The following INSR variants were observed in gnomAD, a reference collection of about 807,000 sequenced individuals.
INSR encodes the protein insulin receptor, also known as IR.
INSR carries 67 observed loss-of-function variants against 142.6 expected under a neutral mutation model. The observed-to-expected ratio is 0.47, with a 90% CI of 0.39 to 0.58. The LOEUF (loss-of-function observed/expected upper bound fraction) is 0.58. Among genes scored for constraint, INSR ranks in the 20% least tolerant of loss-of-function variants. The probability of loss-of-function intolerance (pLI) is 0.00; values close to 1 mark genes in which losing one functional copy is unlikely to be tolerated. For synonymous variants in INSR, 756 were observed against 743.1 expected (o/e 1.02, Z -0.28); for missense variants, 1,248 against 1,833.2 (o/e 0.68, Z 5.83).
rs776177285 is a variant in INSR, at chr19:7,172,284, A to G, written c.1268+6T>C. The G allele has an allele frequency of 3.7e-6, 6 of 1,614,060 alleles. No homozygotes were observed. In the East Asian group the frequency reaches 1.1e-4, roughly 30 times the overall value. On this transcript the variant is annotated splice_donor_region_variant and intron_variant, in intron 5 of 21. Transcript: ENST00000302850. ...TCAGGCCATACACACAATCAGGCCC[A>G]CGTACCCAATTTCCAAGGTCTCTCC...
Position 7,171,487 on chromosome 19 carries a change from G to A in INSR, c.1269-736C>T, listed in dbSNP as rs552926640. On this transcript the variant is annotated intron_variant, in intron 5 of 21. Transcript: ENST00000302850. The stretch of plus-strand genomic sequence containing the variant: ...TCTTCCACAGACCTCCTGCCTATGA[G>A]TCAATCTTGATCTAGCTAGTTTGAG... Among the ~76,000 whole-genome samples, 10 of 152,268 alleles carry A rather than the reference G, an allele frequency of 6.6e-5. No homozygotes were observed. In the South Asian group the frequency reaches 1.5e-3, roughly 22 times the overall value.
chr19:7,196,750 A>T (rs528524070), intron 2 of INSR, among the ~76,000 whole-genome samples: 7 of 139,106 alleles, frequency 5.0e-5, no homozygotes, highest in East Asian at 4.3e-4. Flanking sequence ...AAAAAAACTT[A>T]AAAAAAAAAA....
chr19:7,237,198 C>T (rs929705498), intron 2 of INSR, among the ~76,000 whole-genome samples: 2 of 151,856 alleles, frequency 1.3e-5, no homozygotes, highest in African/African-American at 2.4e-5. Flanking sequence ...CCAAATACCA[C>T]CTGTTCCCCC....
intron 2 of INSR, among the ~76,000 whole-genome samples, chr19:7,191,404 C>A (rs1052976742): frequency 2.0e-5 from 3 of 150,872 alleles, no homozygotes; most frequent in Admixed American, 6.6e-5. Flanking sequence ...CTCGGGGTGG[C>A]CACTGCACCC....
rs1167294281 is a variant in INSR at position 7,222,781 on chromosome 19, A to C, written c.653-38144T>G. Among the ~76,000 whole-genome samples, 5 of 152,104 alleles carry C rather than the reference A, an allele frequency of 3.3e-5. No individual in the cohort carries two copies. In the South Asian group the frequency reaches 6.2e-4, roughly 19 times the overall value. On this transcript the variant is annotated intron_variant, in intron 2 of 21. Transcript: ENST00000302850. ...CCTTGGGGAGGGCCAGGCTGTAGGT[A>C]ACTACGCTTCCTTAGAGGAAGCTAT...
chr19:7,250,600 G>GAGGAGGGAGGGAGGGAAGGAAGGAA (rs1568218260), intron 2 of INSR, among the ~76,000 whole-genome samples: 12 of 130,958 alleles, frequency 9.2e-5, no homozygotes, highest in African/African-American at 3.5e-4. Flanking sequence ...GAAGGAAGGA[G>GAGGAGGGAGGGAGGGAAGGAAGGAA]AGGAGGGAGG....
intron 2 of INSR, among the ~76,000 whole-genome samples, chr19:7,247,144 C>T (rs1410835040): frequency 6.6e-6 from 1 of 152,176 alleles, no homozygotes; most frequent in South Asian, 2.1e-4. Context: ...AATAGATTCC[C>T]ATTACTGGCA....
intron 2 of INSR, among the ~76,000 whole-genome samples, chr19:7,261,089 T>C (rs1166375726): frequency 6.6e-6 from 1 of 152,070 alleles, no homozygotes; most frequent in Non-Finnish European, 1.5e-5. Context: ...GGTTTCTCCA[T>C]GTTGCCCAGG....
chr19:7,217,137 TTC>T (rs1261098200), intron 2 of INSR, among the ~76,000 whole-genome samples: 1 of 152,030 alleles, frequency 6.6e-6, no homozygotes, highest in Non-Finnish European at 1.5e-5. Context: ...CCTGCCTATT[TTC>T]TTACAGTTTT....
chr19:7,220,333 C>T (rs1975574641), intron 2 of INSR, among the ~76,000 whole-genome samples: 1 of 152,198 alleles, frequency 6.6e-6, no homozygotes, highest in Admixed American at 6.5e-5. Flanking sequence ...CTCTGTCGCC[C>T]AGCCTGGAGT....
chr19:7,272,523 CAGG>C (rs1453198023), intron 1 of INSR, among the ~76,000 whole-genome samples: 1 of 152,100 alleles, frequency 6.6e-6, no homozygotes, highest in Admixed American at 6.6e-5. Context: ...GAGGCTGAGG[CAGG>C]AGAATGGCTT....
At position 7,293,929 on chromosome 19, in the gene INSR, G is replaced by GT; in HGVS notation, c.-39_-38insA. ...GCGGGGTCTCCTCGGATCAGAGCGC[G>GT]CGGCGCTGGCCCGCGGGGGTCATGC... On this transcript the variant is annotated 5_prime_UTR_variant, in exon 1 of 22. It removes the in-frame stop codon of an upstream open reading frame in the 5' UTR. Coordinates refer to ENST00000302850, the MANE Select transcript of INSR (RefSeq NM_000208.4). 8.5e-7 allele frequency: 1 copy of GT among 1,175,462 alleles called. No individual in the cohort carries two copies. The highest frequency in any genetic ancestry group is 1.0e-6 in the Non-Finnish European group (1 of 955,172). 72.8% of individuals were successfully genotyped at this position (1,175,462 alleles called of 1,614,324 possible).
At chr19:7,283,972 G>A (rs565895831) in intron 1 of INSR, among the ~76,000 whole-genome samples, 2 of 152,236 alleles carry the variant, frequency 1.3e-5, no homozygotes, top group South Asian at 2.1e-4. Flanking sequence ...CATTAACACC[G>A]AACTCACGGC....
chr19:7,269,038 C>CCACAAA (rs1555690138), intron 1 of INSR, among the ~76,000 whole-genome samples: 1 of 146,852 alleles, frequency 6.8e-6, no homozygotes, highest in African/African-American at 2.5e-5. Context: ...ACCCACACAC[C>CCACAAA]CACACACACA....
intron 9 of INSR, among the ~76,000 whole-genome samples, chr19:7,155,092 T>C (rs1259805520): frequency 1.3e-5 from 2 of 152,022 alleles, no homozygotes; most frequent in African/African-American, 4.8e-5. Context: ...GCGGGTGCCA[T>C]TTTCATGAAG....
intron 9 of INSR, among the ~76,000 whole-genome samples, chr19:7,155,399 G>C (rs56131987): frequency 2.0e-5 from 3 of 152,030 alleles, no homozygotes; most frequent in South Asian, 4.2e-4. Context: ...TCAGCTGCAC[G>C]TGGTGGCACA....
chr19:7,184,666 A>AGAGAGAGAGG (rs1555746897), intron 2 of INSR, 29 bp from the exon 3 acceptor site: 16 of 667,302 alleles, frequency 2.4e-5, no homozygotes, highest in Non-Finnish European at 2.8e-5. Flanking sequence ...AGAGAGGGAA[A>AGAGAGAGAGG]TAAATAAATA....
At chr19:7,177,590 C>T (rs1267153051) in intron 3 of INSR, among the ~76,000 whole-genome samples, 7 of 151,666 alleles carry the variant, frequency 4.6e-5, no homozygotes, top group South Asian at 4.2e-4. Context: ...TACAATGGCA[C>T]GATCTCGGCT....
In INSR at chr19:7,163,081, C is replaced by T; in HGVS notation, c.1980G>A (p.Glu660=). The change falls in exon 9 of 22, where the codon GAG becomes GAA. Residue 660 remains glutamate (E), a synonymous_variant. Transcript: ENST00000302850. ...GNITHYLVFW[E]RQAEDSELFE... ...ACAGCTCACTGTCTTCCGCCTGCCT[C>T]TCCCAGAAAACCAGGTAGTGGGTGA... 1 of 1,614,018 alleles carries T rather than the reference C, an allele frequency of 6.2e-7. No homozygotes were observed. Among genetic ancestry groups the T allele is most frequent in the Non-Finnish European group, 8.5e-7 (1 of 1,180,010 alleles).
Sources: gnomAD v4.1 joint callset for allele counts (sites outside exome capture counted in the v4.1 genomes callset) on GRCh38, gnomAD v4.1.1 for gene constraint, MANE v1.5 for transcripts, NCBI Gene and HGNC (gene_info 2026-07-23, HGNC 2026-07-21) for gene names.